WWTR1: variants seen among roughly 807,000 people sequenced by gnomAD.
The protein encoded by WWTR1 is WW domain-containing transcription regulator protein 1.
WWTR1 carries 13 observed loss-of-function variants against 40.1 expected under a neutral mutation model. That is an observed-to-expected ratio of 0.32 (90% CI 0.21 to 0.52). The LOEUF is 0.52. WWTR1 is among the 20% of genes least tolerant of loss of function. The pLI, the probability that WWTR1 is intolerant of heterozygous loss-of-function variation, is 0.97. For missense variants in WWTR1, 436 were observed against 523.1 expected, an observed-to-expected ratio of 0.83 and a Z score of 1.63; for synonymous variants, 230 against 210.1, an observed-to-expected ratio of 1.09 and a Z score of -0.82.
At chr3:149,562,565 GTTTAGAACCTTTTT>G (rs1478666549) in intron 3 of WWTR1, among the ~76,000 whole-genome samples, 1 of 143,378 alleles carries the variant, frequency 7.0e-6, no homozygotes, top group Non-Finnish European at 1.5e-5. Flanking sequence ...CTTCAAAAAT[GTTTAGAACCTTTTT>G]TTTTTCTGCC....
At chr3:149,530,615 C>G (rs1056789886) in intron 4 of WWTR1, among the ~76,000 whole-genome samples, 2 of 151,350 alleles carry the variant, frequency 1.3e-5, no homozygotes, top group Non-Finnish European at 2.9e-5. Flanking sequence ...TTGTGTGTGT[C>G]TAAATATATA....
Position 149,606,325 on chromosome 3 carries a change from CTG to C in WWTR1, c.432-33327_432-33326del, listed in dbSNP as rs142326424. Among the ~76,000 whole-genome samples the C allele has an allele frequency of 5.1e-3, 777 of 152,308 alleles. 5 individuals are homozygous for C. Among genetic ancestry groups the C allele is most frequent in the African/African-American group, 0.018 (753 of 41,578 alleles). ...TAAGCGTTTCAGGTCAAAAATGTGT[CTG>C]CTATATGCCCTGGGTTTCTCTAAGG... On this transcript the variant is annotated intron_variant, in intron 2 of 6. Coordinates refer to ENST00000360632, the MANE Select transcript of WWTR1 (RefSeq NM_015472.6).
rs1319963251 is a variant in WWTR1, at chr3:149,624,523, G to A, written c.431+32353C>T. Among the ~76,000 whole-genome samples the A allele has an allele frequency of 2.0e-5, 3 of 152,250 alleles. No individual in the cohort carries two copies. In the South Asian group the frequency reaches 6.2e-4, roughly 32 times the overall value. ...TCTGTGCTGCATTCATGGCCAAACAGCCCAGTCTCTGTTCTTCAAGCTGTC... is the reference window on the plus strand; with the variant it reads ...TCTGTGCTGCATTCATGGCCAAACAACCCAGTCTCTGTTCTTCAAGCTGTC... On this transcript the variant is annotated intron_variant, in intron 2 of 6. Coordinates refer to ENST00000360632, the MANE Select transcript of WWTR1 (RefSeq NM_015472.6).
At chr3:149,703,851 C>A (rs1715265492), upstream of WWTR1, among the ~76,000 whole-genome samples, 1 of 152,214 alleles carries the variant, frequency 6.6e-6, no homozygotes, top group Non-Finnish European at 1.5e-5. Flanking sequence ...TTGGAAGCTT[C>A]CTGAGTCCCC....
chr3:149,588,868 T>C (rs1738563793), intron 2 of WWTR1, among the ~76,000 whole-genome samples: 2 of 152,102 alleles, frequency 1.3e-5, no homozygotes, highest in Non-Finnish European at 2.9e-5. Context: ...CTGCCTTAAC[T>C]GTGAGTTGGA....
chr3:149,646,168 G>A (rs934826375), intron 2 of WWTR1, among the ~76,000 whole-genome samples: 2 of 152,354 alleles, frequency 1.3e-5, no homozygotes, highest in East Asian at 1.9e-4. Context: ...CGATAGGTAA[G>A]TAAATAGATG....
intron 2 of WWTR1, among the ~76,000 whole-genome samples, chr3:149,595,289 A>C (rs567808587): frequency 9.2e-5 from 14 of 152,244 alleles, no homozygotes; most frequent in African/African-American, 3.1e-4. Flanking sequence ...GAAAAAGGTT[A>C]ACAATTGCTG....
chr3:149,557,861 A>G (rs1304830310), intron 3 of WWTR1, among the ~76,000 whole-genome samples: 2 of 151,752 alleles, frequency 1.3e-5, no homozygotes, highest in African/African-American at 4.8e-5. Flanking sequence ...AAATTAGACA[A>G]GCGTGGCGGT....
At chr3:149,557,830 C>G (rs1251866881) in intron 3 of WWTR1, among the ~76,000 whole-genome samples, 1 of 151,756 alleles carries the variant, frequency 6.6e-6, no homozygotes, top group Non-Finnish European at 1.5e-5. Context: ...TGGTGAAACC[C>G]CATCTCTACT....
At chr3:149,574,971 G>A (rs1461502210) in intron 2 of WWTR1, among the ~76,000 whole-genome samples, 1 of 151,950 alleles carries the variant, frequency 6.6e-6, no homozygotes, top group Admixed American at 6.6e-5. Flanking sequence ...ATGCACGCGT[G>A]TAACCCCAGC....
At chr3:149,589,944 G>C (rs2108027905) in intron 2 of WWTR1, among the ~76,000 whole-genome samples, 1 of 152,146 alleles carries the variant, frequency 6.6e-6, no homozygotes, top group Admixed American at 6.6e-5. Flanking sequence ...AGGAAGATTT[G>C]TTCCTTACTT....
chr3:149,657,854 C>G lies in WWTR1; in HGVS notation c.-93G>C, dbSNP rs1289070554. 2 of 153,158 alleles carry G rather than the reference C, an allele frequency of 1.3e-5. No homozygotes were observed. Among genetic ancestry groups the G allele is most frequent in the East Asian group, 3.9e-4 (2 of 5,176 alleles). 9.5% of individuals were successfully genotyped at this position (153,158 alleles called of 1,614,324 possible). A position where few individuals can be genotyped will look rare whatever the true frequency, so the allele number is the denominator to read the frequency against. ...GGGCCTGGGTCGCTCGGGTGAGTCC[C>G]GAGATTGCGGAGCTGGAGCCGAGGC... On this transcript the variant is annotated 5_prime_UTR_variant, in exon 1 of 7. Coordinates refer to ENST00000360632, the MANE Select transcript of WWTR1 (RefSeq NM_015472.6).
At chr3:149,545,859 T>A (rs1736341466) in intron 3 of WWTR1, among the ~76,000 whole-genome samples, 1 of 152,176 alleles carries the variant, frequency 6.6e-6, no homozygotes, top group Admixed American at 6.6e-5. Context: ...TTGGAAAATT[T>A]TATAACTGAC....
intron 1 of WWTR1, among the ~76,000 whole-genome samples, chr3:149,676,000 C>T (rs1287148952): frequency 6.6e-6 from 1 of 152,112 alleles, no homozygotes. Flanking sequence ...CCACCGCGCC[C>T]AGCCTAGAAC....
intron 2 of WWTR1, among the ~76,000 whole-genome samples, chr3:149,616,023 G>A (rs778518663): frequency 6.6e-6 from 1 of 152,134 alleles, no homozygotes; most frequent in African/African-American, 2.4e-5. Context: ...AAGAGGAAAC[G>A]TCCCTGAGTC....
In WWTR1 at chr3:149,598,939, G is replaced by A. The variant is rs76867846; in HGVS notation, c.432-25939C>T. Among the ~76,000 whole-genome samples, 1,193 of 152,156 alleles carry A rather than the reference G, an allele frequency of 7.8e-3. 15 individuals are homozygous for A. The highest frequency in any genetic ancestry group is 0.026 in the African/African-American group (1,094 of 41,512). On this transcript the variant is annotated intron_variant, in intron 2 of 6. Coordinates refer to ENST00000360632, the MANE Select transcript of WWTR1 (RefSeq NM_015472.6). The stretch of plus-strand genomic sequence containing the variant: ...AAAAGTACGGCCTTATTACTTGTAA[G>A]TCATTATATATGGATTTTTAAATTA...
At chr3:149,699,888 C>A (rs1011823805) in intron 1 of WWTR1, among the ~76,000 whole-genome samples, 5 of 152,224 alleles carry the variant, frequency 3.3e-5, no homozygotes, top group Admixed American at 2.0e-4. Context: ...AAAGCCATTT[C>A]TACATCTTCA....
chr3:149,566,832 CAT>C (rs1490791187), intron 3 of WWTR1, among the ~76,000 whole-genome samples: 32 of 149,960 alleles, frequency 2.1e-4, no homozygotes, highest in African/African-American at 7.1e-4. Context: ...AAAAAACACA[CAT>C]GTGTTTATAA....
At chr3:149,522,011 C>T (rs1735072115) in intron 6 of WWTR1, among the ~76,000 whole-genome samples, 1 of 152,014 alleles carries the variant, frequency 6.6e-6, no homozygotes, top group South Asian at 2.1e-4. Context: ...TGTTCATTGT[C>T]CTGAGAGAAA....
Sources: allele counts gnomAD v4.1 joint callset (sites outside exome capture counted in the v4.1 genomes callset), GRCh38; gene constraint gnomAD v4.1.1; transcripts MANE v1.5; gene names NCBI Gene and HGNC (gene_info 2026-07-23, HGNC 2026-07-21).